The following WARS2 variants were observed in gnomAD, a reference collection of about 807,000 sequenced individuals.
WARS2 encodes tryptophanyl tRNA synthetase 2, mitochondrial.
Under a neutral mutation model 36.5 loss-of-function variants are expected in WARS2, and 28 were observed. The observed-to-expected ratio is 0.77, with a 90% CI of 0.57 to 1.05. The LOEUF is 1.05. Among genes scored for constraint, WARS2 ranks in the 50% least tolerant of loss-of-function variants. The pLI is 0.00. For synonymous variants in WARS2, 174 were observed against 178.4 expected (o/e 0.98, Z 0.20); for missense variants, 435 against 456.8 (o/e 0.95, Z 0.44).
chr1:119,056,986 G>C (rs1649872972), intron 2 of WARS2, among the ~76,000 whole-genome samples: 1 of 152,128 alleles, frequency 6.6e-6, no homozygotes, highest in South Asian at 2.1e-4. Context: ...AGTGTTACTA[G>C]CAATGTAAAA....
intron 1 of WARS2, among the ~76,000 whole-genome samples, chr1:119,134,446 C>G (rs962195401): frequency 6.7e-6 from 1 of 150,208 alleles, no homozygotes; most frequent in African/African-American, 2.4e-5. Flanking sequence ...AAACAGAAGA[C>G]TGTGTGGCAA....
In WARS2 at chr1:119,085,775, C is replaced by T. The variant is rs1465679473; in HGVS notation, c.91-9168G>A. The T allele has an allele frequency of 2.5e-4, 405 of 1,600,554 alleles. 5 individuals are homozygous for T. Among genetic ancestry groups the T allele is most frequent in the Non-Finnish European group, 2.3e-5 (27 of 1,169,662 alleles). Reference sequence around the variant, plus strand: ...ACATGAGATTAATGTTAACAATCTCCCCATACTGTGAGAACACACAGATGA... The same window carrying T: ...ACATGAGATTAATGTTAACAATCTCTCCATACTGTGAGAACACACAGATGA... On this transcript the variant is annotated intron_variant, in intron 1 of 5. Transcript: ENST00000235521.
Position 119,032,863 on chromosome 1 carries a change from G to A in WARS2, c.*48C>T. The A allele has an allele frequency of 6.6e-7, 1 of 1,515,632 alleles. No homozygotes were observed. The highest frequency in any genetic ancestry group is 9.0e-7 in the Non-Finnish European group (1 of 1,116,814). 93.9% of individuals were successfully genotyped at this position (1,515,632 alleles called of 1,614,324 possible). Reference sequence around the variant, plus strand: ...TTAGGAAAGCTGCCGTTATCAGAATGCATGGAGTGCAAGGCACAAAAGCCT... The same window carrying A: ...TTAGGAAAGCTGCCGTTATCAGAATACATGGAGTGCAAGGCACAAAAGCCT... On this transcript the variant is annotated 3_prime_UTR_variant, in exon 6 of 6. Coordinates refer to ENST00000235521, the MANE Select transcript of WARS2 (RefSeq NM_015836.4).
intron 4 of WARS2, among the ~76,000 whole-genome samples, chr1:119,035,977 G>A (rs890111979): frequency 6.6e-6 from 1 of 152,172 alleles, no homozygotes; most frequent in Non-Finnish European, 1.5e-5. Context: ...GGCCAAGGTG[G>A]GCGGGTCACC....
chr1:119,088,000 G>A (rs1371184304), intron 1 of WARS2, among the ~76,000 whole-genome samples: 1 of 152,144 alleles, frequency 6.6e-6, no homozygotes, highest in Non-Finnish European at 1.5e-5. Flanking sequence ...TTCTAAGAGC[G>A]GGGCTTATCC....
intron 2 of WARS2, chr1:119,062,891 T>C (rs1467943433): frequency 6.5e-6 from 1 of 154,052 alleles, no homozygotes; most frequent in East Asian, 1.9e-4. Context: ...GAAAACAGAC[T>C]AATACAGTAA....
At chr1:119,132,674 T>G (rs1557761678) in intron 1 of WARS2, among the ~76,000 whole-genome samples, 1 of 152,138 alleles carries the variant, frequency 6.6e-6, no homozygotes, top group Non-Finnish European at 1.5e-5. Flanking sequence ...TATAATAAAG[T>G]TGAACACTCC....
At chr1:119,054,912 G>T (rs1649647864) in intron 2 of WARS2, among the ~76,000 whole-genome samples, 1 of 152,170 alleles carries the variant, frequency 6.6e-6, no homozygotes, top group Admixed American at 6.5e-5. Context: ...AGAGGGGAAT[G>T]AGTTATTGTT....
chr1:119,130,794 TA>T (rs1193122868), intron 1 of WARS2, among the ~76,000 whole-genome samples: 2 of 152,176 alleles, frequency 1.3e-5, no homozygotes, highest in Admixed American at 1.3e-4. Context: ...ATTTAAGAAT[TA>T]AATCTTTATT....
chr1:119,084,092 C>A (rs1652422782), intron 1 of WARS2, among the ~76,000 whole-genome samples: 1 of 151,214 alleles, frequency 6.6e-6, no homozygotes, highest in South Asian at 2.1e-4. Context: ...ACGATCAGAG[C>A]TCACTGCAGC....
chr1:119,121,561 GA>G (rs969630132), intron 1 of WARS2, among the ~76,000 whole-genome samples: 10 of 149,984 alleles, frequency 6.7e-5, no homozygotes, highest in Admixed American at 6.0e-4. Flanking sequence ...TCATATGTAA[GA>G]AAAAAAAAGC....
In WARS2 at chr1:119,051,582, A is replaced by G. The variant is rs145125392; in HGVS notation, c.349-5920T>C. Among the ~76,000 whole-genome samples the G allele has an allele frequency of 2.5e-3, 374 of 152,170 alleles. 2 individuals are homozygous for G. Among genetic ancestry groups the G allele is most frequent in the African/African-American group, 8.4e-3 (347 of 41,518 alleles). On this transcript the variant is annotated intron_variant, in intron 2 of 5. Coordinates refer to ENST00000235521, the MANE Select transcript of WARS2 (RefSeq NM_015836.4). ...TAATGGGATTACTGGGTCGAATGGT[A>G]GTCCTGTTTTTAGCTCTTTGAGGAA... is the stretch of plus-strand genomic sequence containing the variant.
At chr1:119,081,610 G>C (rs1277868842) in intron 1 of WARS2, among the ~76,000 whole-genome samples, 1 of 152,038 alleles carries the variant, frequency 6.6e-6, no homozygotes, top group African/African-American at 2.4e-5. Context: ...CAGGTAATTG[G>C]GATGAAAATC....
chr1:119,107,161 T>C (rs1654294554), intron 1 of WARS2, among the ~76,000 whole-genome samples: 1 of 152,194 alleles, frequency 6.6e-6, no homozygotes, highest in Admixed American at 6.5e-5. Flanking sequence ...GTTCATTTTC[T>C]TATTATTGAG....
Position 119,033,279 on chromosome 1 carries a change from G to A in WARS2, c.715C>T (p.Arg239Ter), listed in dbSNP as rs757600616. The change falls in exon 6 of 6, where the codon CGA becomes TGA. Residue 239 changes from arginine to a stop codon, truncating the protein, a stop_gained. Transcript: ENST00000235521. LOFTEE classifies it high-confidence loss of function. ...KSDPDKLATV[R>*]ITDSPEEIVQ... ...ATCTCCTCTGGGCTGTCTGTTATTC[G>A]GACGGTGGCCAGTTTGTCAGGGTCT... 4.4e-5 allele frequency: 71 copies of A among 1,614,198 alleles called. No individual in the cohort carries two copies. Among genetic ancestry groups the A allele is most frequent in the Non-Finnish European group, 5.9e-5 (70 of 1,180,034 alleles).
At chr1:119,088,551 T>C (rs17023223) in intron 1 of WARS2, among the ~76,000 whole-genome samples, 60,068 of 152,032 alleles carry the variant, frequency 0.4, 12,512 homozygotes, top group African/African-American at 0.51. Flanking sequence ...AATGCAATGA[T>C]TTAATCATGT....
At chr1:119,065,103 G>C (rs1650718491) in intron 2 of WARS2, among the ~76,000 whole-genome samples, 1 of 151,906 alleles carries the variant, frequency 6.6e-6, no homozygotes, top group Non-Finnish European at 1.5e-5. Context: ...CCCTGTACTT[G>C]GAAATCTAAA....
chr1:119,081,247 A>G (rs1048154490), intron 1 of WARS2, among the ~76,000 whole-genome samples: 1 of 152,214 alleles, frequency 6.6e-6, no homozygotes, highest in Non-Finnish European at 1.5e-5. Context: ...CTCAAAAGCA[A>G]TTGAAAATTC....
intron 1 of WARS2, among the ~76,000 whole-genome samples, chr1:119,076,992 C>A (rs587727413): frequency 6.6e-6 from 1 of 151,738 alleles, no homozygotes; most frequent in East Asian, 1.9e-4. Context: ...ATACAAAAAT[C>A]ACCTGGGCGT....
Sources: gnomAD v4.1 joint callset for allele counts (sites outside exome capture counted in the v4.1 genomes callset) on GRCh38, gnomAD v4.1.1 for gene constraint, MANE v1.5 for transcripts, NCBI Gene and HGNC (gene_info 2026-07-23, HGNC 2026-07-21) for gene names.